Variants in LY96 observed in about 807,000 individuals in gnomAD.
LY96 encodes the protein lymphocyte antigen 96, also known as myeloid differentiation protein-2.
Under a neutral mutation model 18.9 loss-of-function variants are expected in LY96, and 18 were observed. The ratio of observed to expected loss-of-function variants is 0.95; its 90% CI spans 0.66 to 1.41. The LOEUF (loss-of-function observed/expected upper bound fraction) is 1.41. Ranked by LOEUF, LY96 falls within the 40% of genes most tolerant of loss-of-function variation. LY96 has a pLI of 0.00. For missense variants in LY96, 175 were observed against 182.4 expected (o/e 0.96, Z 0.23); for synonymous variants, 66 against 62.6 (o/e 1.06, Z -0.26).
intron 1 of LY96, 93 bp downstream of exon 1, chr8:73,991,647 G>A (rs544766832): frequency 1.3e-5 from 10 of 789,766 alleles, no homozygotes; most frequent in Middle Eastern, 2.3e-4. Context: ...TGGAACACAC[G>A]AAACATCAGT....
intron 1 of LY96, among the ~76,000 whole-genome samples, chr8:74,002,043 C>CT (rs1816292757): frequency 2.9e-5 from 1 of 34,424 alleles, no homozygotes; most frequent in African/African-American, 2.1e-4. Context: ...TCCTTCCTTC[C>CT]TTCCTTCCTT....
chr8:74,005,548 A>T (rs1816392876), intron 2 of LY96, among the ~76,000 whole-genome samples: 1 of 152,216 alleles, frequency 6.6e-6, no homozygotes, highest in Non-Finnish European at 1.5e-5. Context: ...TTAGTCAAAG[A>T]TCTGTGTGTC....
the LY96 span, among the ~76,000 whole-genome samples, chr8:74,061,721 G>A: frequency 6.6e-6 from 1 of 152,158 alleles, no homozygotes; most frequent in Non-Finnish European, 1.5e-5. Context: ...AGGTATTCAG[G>A]TAAAACCTTA....
the LY96 span, among the ~76,000 whole-genome samples, chr8:74,065,362 G>A: frequency 1.3e-5 from 2 of 152,298 alleles, no homozygotes; most frequent in East Asian, 3.9e-4. Context: ...ATTTTATAGA[G>A]TTTGGTTCTT....
At chr8:74,018,738 G>A (rs1816696347) in intron 3 of LY96, among the ~76,000 whole-genome samples, 1 of 152,184 alleles carries the variant, frequency 6.6e-6, no homozygotes, top group Admixed American at 6.5e-5. Context: ...AGACCACAAT[G>A]CAATCAAATT....
chr8:73,995,990 G>A (rs557023805), intron 1 of LY96, among the ~76,000 whole-genome samples: 2 of 152,088 alleles, frequency 1.3e-5, no homozygotes, highest in Non-Finnish European at 2.9e-5. Context: ...GAAGCTAGGG[G>A]GTTGCATTTT....
the LY96 span, among the ~76,000 whole-genome samples, chr8:74,091,205 T>C: frequency 6.6e-6 from 1 of 152,180 alleles, no homozygotes; most frequent in African/African-American, 2.4e-5. Flanking sequence ...ACTTTTTGGA[T>C]AGCATATTTC....
the LY96 span, among the ~76,000 whole-genome samples, chr8:74,061,177 T>A: frequency 6.6e-6 from 1 of 152,234 alleles, no homozygotes; most frequent in Non-Finnish European, 1.5e-5. Context: ...CCTTCCCATT[T>A]TAAAATGTTG....
intron 3 of LY96, among the ~76,000 whole-genome samples, chr8:74,024,944 T>C (rs1386791440): frequency 1.3e-5 from 2 of 152,142 alleles, no homozygotes; most frequent in African/African-American, 4.8e-5. Context: ...CCTCCCACCC[T>C]AGCCTCTCGA....
the LY96 span, among the ~76,000 whole-genome samples, chr8:74,077,768 T>C: frequency 6.6e-6 from 1 of 151,776 alleles, no homozygotes; most frequent in Admixed American, 6.6e-5. Context: ...TAATAAAACA[T>C]TAAAAAAATA....
chr8:74,073,373 G>A, the LY96 span, among the ~76,000 whole-genome samples: 1 of 152,198 alleles, frequency 6.6e-6, no homozygotes, highest in Non-Finnish European at 1.5e-5. Context: ...CAGCGTGAAA[G>A]GTGCTTTCTC....
At chr8:74,058,058 A>T in the LY96 span, among the ~76,000 whole-genome samples, 1 of 152,206 alleles carries the variant, frequency 6.6e-6, no homozygotes, top group East Asian at 1.9e-4. Flanking sequence ...TTTGAAGAGG[A>T]TACTTCTCCA....
the LY96 span, among the ~76,000 whole-genome samples, chr8:74,089,115 C>T: frequency 2.0e-5 from 3 of 152,142 alleles, no homozygotes; most frequent in African/African-American, 4.8e-5. Context: ...AGAGAGCAAA[C>T]CTCTCATATA....
the LY96 span, among the ~76,000 whole-genome samples, chr8:74,050,444 G>A: frequency 6.6e-6 from 1 of 151,554 alleles, no homozygotes; most frequent in Non-Finnish European, 1.5e-5. Flanking sequence ...ATACCCACCC[G>A]CCCACTCCAC....
chr8:73,999,002 G>C (rs1356307552), intron 1 of LY96, among the ~76,000 whole-genome samples: 1 of 145,696 alleles, frequency 6.9e-6, no homozygotes, highest in Non-Finnish European at 1.5e-5. Flanking sequence ...GCCAAGTCTT[G>C]CTCTGTTGCC....
At chr8:74,078,159 TTGAG>T in the LY96 span, among the ~76,000 whole-genome samples, 2 of 152,078 alleles carry the variant, frequency 1.3e-5, no homozygotes, top group Admixed American at 6.6e-5. Context: ...GTATCTATTA[TTGAG>T]TGTCTTTCAT....
chr8:74,021,414 A>G (rs550459677), intron 3 of LY96, among the ~76,000 whole-genome samples: 1 of 152,360 alleles, frequency 6.6e-6, no homozygotes, highest in East Asian at 1.9e-4. Flanking sequence ...TAAAAAGTCA[A>G]GAAACAATAG....
At chr8:74,071,344 T>C in the LY96 span, among the ~76,000 whole-genome samples, 1 of 152,024 alleles carries the variant, frequency 6.6e-6, no homozygotes, top group Non-Finnish European at 1.5e-5. Flanking sequence ...CAGAAAATAG[T>C]TCCAAATAGT....
At chr8:74,060,154 A>G in the LY96 span, among the ~76,000 whole-genome samples, 3 of 150,188 alleles carry the variant, frequency 2.0e-5, no homozygotes, top group African/African-American at 7.5e-5. Flanking sequence ...TTCAAACAAC[A>G]ACAACGACGA....
Sources: allele counts gnomAD v4.1 joint callset (sites outside exome capture counted in the v4.1 genomes callset), GRCh38; gene constraint gnomAD v4.1.1; transcripts MANE v1.5; gene names NCBI Gene and HGNC (gene_info 2026-07-23, HGNC 2026-07-21).